Variants in IMMP1L observed in about 807,000 individuals in gnomAD.
IMMP1L encodes the protein inner mitochondrial membrane peptidase subunit 1, also known as mitochondrial inner membrane protease subunit 1.
IMMP1L carries 24 observed loss-of-function variants against 21.8 expected under a neutral mutation model. The observed-to-expected ratio is 1.10, with a 90% CI of 0.80 to 1.55. The LOEUF (loss-of-function observed/expected upper bound fraction) is 1.55. IMMP1L is among the 40% of genes most tolerant of loss of function. IMMP1L has a pLI of 0.00. For missense variants in IMMP1L, 195 were observed against 200.7 expected (o/e 0.97, Z 0.17); for synonymous variants, 46 against 62.8 (o/e 0.73, Z 1.26).
At chr11:31,461,884 C>T (rs928120543) in intron 2 of IMMP1L, among the ~76,000 whole-genome samples, 1 of 152,046 alleles carries the variant, frequency 6.6e-6, no homozygotes, top group Non-Finnish European at 1.5e-5. Context: ...AATCTAAATC[C>T]GACAGTCTCC....
chr11:31,508,272 C>T (rs909962735), intron 1 of IMMP1L, among the ~76,000 whole-genome samples: 1 of 152,140 alleles, frequency 6.6e-6, no homozygotes, highest in East Asian at 1.9e-4. Flanking sequence ...TTAGCACATG[C>T]TATTTAATGT....
At chr11:31,484,059 C>T (rs992329950) in intron 1 of IMMP1L, among the ~76,000 whole-genome samples, 3 of 151,808 alleles carry the variant, frequency 2.0e-5, no homozygotes, top group African/African-American at 7.2e-5. Context: ...TCACTGCTTA[C>T]TATCTGTCAG....
chr11:31,445,771 C>G (rs1323017263), intron 4 of IMMP1L, among the ~76,000 whole-genome samples: 1 of 150,702 alleles, frequency 6.6e-6, no homozygotes, highest in East Asian at 1.9e-4. Context: ...ATTGCCCAGG[C>G]TGGAGTGCAG....
At chr11:31,481,111 A>G (rs1398517535) in intron 1 of IMMP1L, among the ~76,000 whole-genome samples, 3 of 152,142 alleles carry the variant, frequency 2.0e-5, no homozygotes, top group Non-Finnish European at 2.9e-5. Context: ...CAAAAAGGCC[A>G]TCACCACAGC....
At chr11:31,495,810 T>C (rs1331428493) in intron 1 of IMMP1L, among the ~76,000 whole-genome samples, 2 of 152,094 alleles carry the variant, frequency 1.3e-5, no homozygotes, top group Non-Finnish European at 2.9e-5. Context: ...GAAAACTAGA[T>C]ATCAACATAA....
At chr11:31,490,609 TAATA>T (rs1292417193) in intron 1 of IMMP1L, among the ~76,000 whole-genome samples, 12 of 152,134 alleles carry the variant, frequency 7.9e-5, no homozygotes, top group Non-Finnish European at 1.6e-4. Context: ...CATAATGTCA[TAATA>T]ATTATTCACA....
chr11:31,463,439 T>C (rs1208000707), intron 1 of IMMP1L, 134 bp from the exon 2 acceptor site: 3 of 759,856 alleles, frequency 3.9e-6, no homozygotes, highest in Non-Finnish European at 5.8e-6. Flanking sequence ...AAACCAAGAG[T>C]TTGTTATCAG....
intron 4 of IMMP1L, among the ~76,000 whole-genome samples, chr11:31,436,898 ACTC>A (rs935885821): frequency 5.3e-5 from 8 of 152,260 alleles, no homozygotes; most frequent in African/African-American, 1.9e-4. Flanking sequence ...AGACATGCTA[ACTC>A]CTCATTACCT....
intron 1 of IMMP1L, chr11:31,469,620 A>C (rs1954477997): frequency 6.6e-6 from 1 of 152,212 alleles, no homozygotes; most frequent in Non-Finnish European, 1.5e-5. Flanking sequence ...TAATATAATC[A>C]GAGACCTAAA....
intron 1 of IMMP1L, among the ~76,000 whole-genome samples, chr11:31,485,624 C>T (rs956538210): frequency 3.3e-5 from 5 of 151,872 alleles, no homozygotes; most frequent in Non-Finnish European, 7.4e-5. Context: ...CTAAGTAATA[C>T]ATAATGTTAG....
chr11:31,434,937 A>T (rs1415778585), intron 4 of IMMP1L, among the ~76,000 whole-genome samples: 2 of 152,180 alleles, frequency 1.3e-5, no homozygotes, highest in Non-Finnish European at 2.9e-5. Flanking sequence ...CTCTAGTAGG[A>T]AAGTGTGTAC....
intron 1 of IMMP1L, among the ~76,000 whole-genome samples, chr11:31,466,435 A>C (rs1954352558): frequency 6.6e-6 from 1 of 152,126 alleles, no homozygotes; most frequent in Non-Finnish European, 1.5e-5. Context: ...CAGTATATCA[A>C]AGGGATACCT....
intron 1 of IMMP1L, among the ~76,000 whole-genome samples, chr11:31,492,854 A>G (rs1375672201): frequency 6.6e-6 from 1 of 152,218 alleles, no homozygotes; most frequent in Non-Finnish European, 1.5e-5. Flanking sequence ...CCTCAAAACA[A>G]TTACAATAGC....
At chr11:31,492,655 T>G (rs551886587) in intron 1 of IMMP1L, among the ~76,000 whole-genome samples, 1 of 152,290 alleles carries the variant, frequency 6.6e-6, no homozygotes, top group South Asian at 2.1e-4. Context: ...AAGACCACTT[T>G]AAAGACCACT....
intron 3 of IMMP1L, among the ~76,000 whole-genome samples, chr11:31,457,760 G>C (rs1591975190): frequency 6.6e-6 from 1 of 152,030 alleles, no homozygotes; most frequent in Non-Finnish European, 1.5e-5. Flanking sequence ...TTATATAAGA[G>C]AATAAAAGAT....
rs573241090 is a variant in IMMP1L at position 31,459,885 on chromosome 11, G to A, written c.194+741C>T. On this transcript the variant is annotated intron_variant, in intron 3 of 5. Transcript: ENST00000532287. Reference sequence around the variant, plus strand: ...AAAAATCATCAAATGGGCTGGGCACGGTGGCTCACACCTGTAATCCCAACA... The same window carrying A: ...AAAAATCATCAAATGGGCTGGGCACAGTGGCTCACACCTGTAATCCCAACA... 5.3e-5 allele frequency among the ~76,000 whole-genome samples: 8 copies of A among 152,222 alleles called. No homozygotes were observed. The South Asian group carries it at 8.3e-4, about 16-fold the overall frequency.
chr11:31,468,410 C>T (rs1954434823), intron 1 of IMMP1L, among the ~76,000 whole-genome samples: 1 of 152,126 alleles, frequency 6.6e-6, no homozygotes, highest in Non-Finnish European at 1.5e-5. Flanking sequence ...TATATACACA[C>T]ATACGGATAT....
In IMMP1L at chr11:31,456,324, A is replaced by G. The variant is rs1953935167; in HGVS notation, c.257T>C (p.Ile86Thr). The change falls in exon 4 of 6, where the codon ATT (isoleucine) becomes ACT (threonine). Residue 86 changes from isoleucine (I) to threonine (T), a missense_variant. Ile to Thr is a moderately conservative substitution (Grantham distance 89). Coordinates refer to ENST00000532287, the MANE Select transcript of IMMP1L (RefSeq NM_001304274.2). ...GAGGATTTTGTCTCCTTCCAAACCAATTACTCTTTTACAAATATTTGATTT... is the reference window on the plus strand; with the variant it reads ...GAGGATTTTGTCTCCTTCCAAACCAGTTACTCTTTTACAAATATTTGATTT... ...DPKSNICKRV[I>T]GLEGDKILTT... 1.2e-6 allele frequency: 2 copies of G among 1,608,628 alleles called. No individual in the cohort carries two copies. Among genetic ancestry groups the G allele is most frequent in the Non-Finnish European group, 1.7e-6 (2 of 1,175,482 alleles).
At chr11:31,452,084 G>T in intron 4 of IMMP1L, 1 of 258,692 alleles carries the variant, frequency 3.9e-6, no homozygotes, top group Non-Finnish European at 6.0e-6. Flanking sequence ...TCAGTGAAGT[G>T]GTGGAGACCA....
Sources: allele counts gnomAD v4.1 joint callset (sites outside exome capture counted in the v4.1 genomes callset), GRCh38; gene constraint gnomAD v4.1.1; transcripts MANE v1.5; gene names NCBI Gene and HGNC (gene_info 2026-07-23, HGNC 2026-07-21).